Variants in RTN3 observed in about 807,000 individuals in gnomAD.
RTN3 encodes reticulon-3.
A neutral mutation model predicts 77.8 loss-of-function variants in RTN3; 49 were observed. The ratio of observed to expected loss-of-function variants is 0.63; its 90% CI spans 0.50 to 0.80. The LOEUF is 0.80. RTN3 is among the 30% of genes least tolerant of loss of function. The pLI, the probability that RTN3 is intolerant of heterozygous loss-of-function variation, is 0.00. For synonymous variants in RTN3, 464 were observed against 446.9 expected (o/e 1.04, Z -0.48); for missense variants, 1,236 against 1,211.9 (o/e 1.02, Z -0.29).
At position 63,758,192 on chromosome 11, in the gene RTN3, G is replaced by A. The variant is rs748647384; in HGVS notation, c.3090G>A (p.Lys1030=). The stretch of plus-strand genomic sequence containing the variant: ...AACTCCCTGGAATCGCCAAAAAAAA[G>A]GCAGAATAAGTACATGGAAACCAGA... ...QAKLPGIAKK[K]AE The change falls in exon 9 of 9, where the codon AAG becomes AAA. Residue 1030 remains lysine, a synonymous_variant. Transcript: ENST00000377819. The A allele has an allele frequency of 5.0e-6, 8 of 1,610,082 alleles. No homozygotes were observed. The highest frequency in any genetic ancestry group is 6.8e-6 in the Non-Finnish European group (8 of 1,178,824).
rs2011593492 is a variant in RTN3 at position 63,719,419 on chromosome 11, C to G, written c.917C>G (p.Pro306Arg). 4.3e-6 allele frequency: 7 copies of G among 1,614,110 alleles called. No individual in the cohort carries two copies. Among genetic ancestry groups the G allele is most frequent in the Non-Finnish European group, 5.1e-6 (6 of 1,180,030 alleles). ...PLRNKEAGRYPMSALLSRQFS... is the reference protein window; with the variant it reads ...PLRNKEAGRYRMSALLSRQFS... ...AGAAATAAAGAGGCAGGACGTTACC[C>G]AATGTCTGCATTGCTCAGTAGGCAG... The change falls in exon 3 of 9, where the codon CCA becomes CGA. Residue 306 changes from proline to arginine, a missense_variant. Pro to Arg is a moderately radical substitution (Grantham distance 103, BLOSUM62 -2). Transcript: ENST00000377819.
chr11:63,695,952 TTC>T (rs981570776), intron 1 of RTN3, among the ~76,000 whole-genome samples: 3 of 152,198 alleles, frequency 2.0e-5, no homozygotes, highest in African/African-American at 7.2e-5. Context: ...CTTTGTAATA[TTC>T]TTTTTTATTA....
chr11:63,684,128 GGTTT>G (rs1941228223), intron 1 of RTN3, among the ~76,000 whole-genome samples: 1 of 19,934 alleles, frequency 5.0e-5, no homozygotes, highest in Admixed American at 8.4e-4. Flanking sequence ...ATTTTCTTTT[GGTTT>G]TTTTTTTTTT....
At chr11:63,751,115 C>T (rs1327222177) in intron 4 of RTN3, among the ~76,000 whole-genome samples, 1 of 152,202 alleles carries the variant, frequency 6.6e-6, no homozygotes, top group Non-Finnish European at 1.5e-5. Flanking sequence ...GATCCACCCG[C>T]CTCGGCCTCC....
intron 1 of RTN3, 59 bp from the exon 2 acceptor site, chr11:63,704,792 T>C: frequency 1.6e-6 from 2 of 1,277,768 alleles, no homozygotes; most frequent in Non-Finnish European, 2.3e-6. Flanking sequence ...AAAAAGAAAG[T>C]TAAAGTTAAA....
At chr11:63,683,972 T>TTTTTTTTTTTTTTTTTTTTTTTTTTTTTA (rs1375625604) in intron 1 of RTN3, among the ~76,000 whole-genome samples, 2 of 136,054 alleles carry the variant, frequency 1.5e-5, no homozygotes, top group Admixed American at 7.3e-5. Context: ...TTTTTTTTTT[T>TTTTTTTTTTTTTTTTTTTTTTTTTTTTTA]AGACAAGGTC....
intron 3 of RTN3, among the ~76,000 whole-genome samples, chr11:63,746,096 C>G (rs1404664638): frequency 1.3e-5 from 2 of 152,234 alleles, no homozygotes; most frequent in Admixed American, 6.5e-5. Context: ...CAGGAGTGAC[C>G]CACCGCACCT....
chr11:63,704,222 C>G lies in RTN3; in HGVS notation c.143-629C>G, dbSNP rs192170169. ...TTCACCATGTTGGCCAGGCTGGTTT[C>G]GAACTCCTGACCTCAGGTGATCCAC... On this transcript the variant is annotated intron_variant, in intron 1 of 8. Coordinates refer to ENST00000377819, the MANE Select transcript of RTN3 (RefSeq NM_001265589.2). 6.1e-4 allele frequency among the ~76,000 whole-genome samples: 93 copies of G among 151,784 alleles called. 1 individual carries two copies. Among genetic ancestry groups the G allele is most frequent in the Middle Eastern group, 6.8e-3 (2 of 294 alleles).
In RTN3 at chr11:63,738,714, A is replaced by G. The variant is rs146615490; in HGVS notation, c.2531-11277A>G. Among the ~76,000 whole-genome samples, 605 of 152,204 alleles carry G rather than the reference A, an allele frequency of 4.0e-3. 1 individual carries two copies. The highest frequency in any genetic ancestry group is 0.014 in the African/African-American group (591 of 41,546). ...TTCACATTTGTTCCTTTTCAGAATA[A>G]GTATTTGAACAGCTCTTCTTTTCTA... On this transcript the variant is annotated intron_variant, in intron 3 of 8. Transcript: ENST00000377819.
rs113499022 is a variant in RTN3 at position 63,719,597 on chromosome 11, T to G, written c.1095T>G (p.Leu365=). The G allele has an allele frequency of 6.2e-7, 1 of 1,613,920 alleles. No individual in the cohort carries two copies. The highest frequency in any genetic ancestry group is 1.7e-5 in the Admixed American group (1 of 59,988). ...SSDCITKTTG[L]DMSEYNSEIP... ...ACTGCATCACAAAAACTACAGGACT[T>G]GACATGAGTGAATATAATTCAGAAA... The change falls in exon 3 of 9, where the codon CTT becomes CTG. Residue 365 remains leucine, a synonymous_variant. Transcript: ENST00000377819.
In RTN3 at chr11:63,752,539, CAGA is replaced by C; in HGVS notation, c.2774_2776del (p.Glu925del). The C allele has an allele frequency of 6.2e-7, 1 of 1,613,474 alleles. No homozygotes were observed. On this transcript the variant is annotated inframe_deletion, in exon 5 of 9. Coordinates refer to ENST00000377819, the MANE Select transcript of RTN3 (RefSeq NM_001265589.2). ...CTGGACGTAGACATTACTCTGTCCT[CAGA>C]AGCTTTCCATAATTACATGAATGCT...
At chr11:63,709,758 T>G (rs2134755603) in intron 2 of RTN3, among the ~76,000 whole-genome samples, 1 of 152,298 alleles carries the variant, frequency 6.6e-6, no homozygotes, top group African/African-American at 2.4e-5. Flanking sequence ...AAAATTCAAG[T>G]GTAGGAAAAC....
chr11:63,689,806 G>A (rs1199298323), intron 1 of RTN3, among the ~76,000 whole-genome samples: 1 of 151,836 alleles, frequency 6.6e-6, no homozygotes, highest in African/African-American at 2.4e-5. Flanking sequence ...TGCTCAGGCT[G>A]GAGTGCAGTG....
intron 2 of RTN3, chr11:63,713,921 TA>T: frequency 2.1e-6 from 1 of 475,718 alleles, no homozygotes; most frequent in South Asian, 1.5e-5. Context: ...TATAGTATTT[TA>T]AGAGCTAACT....
chr11:63,758,412 T>C lies in RTN3; in HGVS notation c.*211T>C. 1 of 1,380,502 alleles carries C rather than the reference T, an allele frequency of 7.2e-7. No homozygotes were observed. Among genetic ancestry groups the C allele is most frequent in the South Asian group, 1.3e-5 (1 of 75,294 alleles). 85.5% of individuals were successfully genotyped at this position (1,380,502 alleles called of 1,614,324 possible). On this transcript the variant is annotated 3_prime_UTR_variant, in exon 9 of 9. Transcript: ENST00000377819. Reference sequence around the variant, plus strand: ...ACTGATAAAAGAACTATCTTAGAACTCAGAAGAAGAAAGAATCAAATTCAT... The same window carrying C: ...ACTGATAAAAGAACTATCTTAGAACCCAGAAGAAGAAAGAATCAAATTCAT...
At chr11:63,698,198 A>C in intron 1 of RTN3, among the ~76,000 whole-genome samples, 1 of 150,844 alleles carries the variant, frequency 6.6e-6, no homozygotes, top group African/African-American at 2.4e-5. Context: ...ATCTCAGCTC[A>C]CTGCCACCTC....
At chr11:63,713,031 G>T (rs900050692) in intron 2 of RTN3, among the ~76,000 whole-genome samples, 56 of 152,216 alleles carry the variant, frequency 3.7e-4, no homozygotes, top group Non-Finnish European at 6.5e-4. Context: ...GGAGGCAGAG[G>T]TTGCGGTGAG....
At chr11:63,758,099 C>T in intron 8 of RTN3, 57 bp from the exon 9 acceptor site, 1 of 1,244,364 alleles carries the variant, frequency 8.0e-7, no homozygotes, top group South Asian at 1.4e-5. Flanking sequence ...AAATAAAAAC[C>T]TAGAGCAAAT....
At chr11:63,701,605 G>A (rs1223724466) in intron 1 of RTN3, among the ~76,000 whole-genome samples, 1 of 152,042 alleles carries the variant, frequency 6.6e-6, no homozygotes, top group African/African-American at 2.4e-5. Flanking sequence ...AGGGGGCACA[G>A]GCATGTCACA....
Sources: gnomAD v4.1 joint callset for allele counts (sites outside exome capture counted in the v4.1 genomes callset) on GRCh38, gnomAD v4.1.1 for gene constraint, MANE v1.5 for transcripts, NCBI Gene and HGNC (gene_info 2026-07-23, HGNC 2026-07-21) for gene names.